The following ZNF665 variants were observed in gnomAD, a reference collection of about 807,000 sequenced individuals.
The protein encoded by ZNF665 is zinc finger protein 665.
In ZNF665, 6 loss-of-function variants were observed where a neutral mutation model predicts 7.9. The observed-to-expected ratio is 0.76, with a 90% CI of 0.42 to 1.50. The LOEUF (loss-of-function observed/expected upper bound fraction) is 1.50, where lower values mean the gene tolerates loss of function less well. Ranked by LOEUF, ZNF665 falls within the 40% of genes most tolerant of loss-of-function variation. The pLI, the probability that ZNF665 is intolerant of heterozygous loss-of-function variation, is 0.01. For missense variants in ZNF665, 819 were observed against 806.7 expected, an observed-to-expected ratio of 1.02 and a Z score of -0.18; for synonymous variants, 242 against 274.5, an observed-to-expected ratio of 0.88 and a Z score of 1.17.
intron 2 of ZNF665, chr19:53,182,225 G>A: frequency 6.4e-6 from 1 of 155,122 alleles, no homozygotes; most frequent in African/African-American, 2.4e-5. Context: ...AAAAAAAATA[G>A]CCGGGCATGG....
chr19:53,165,938 G>A lies in ZNF665; in HGVS notation c.552C>T (p.Gly184=), dbSNP rs139472029. ...GCCGTGAGTTTTGACTGAAGACCTT[G>A]CCACATTCATCACATTTATAATGTT... is the stretch of plus-strand genomic sequence containing the variant. ...RGKHYKCDEC[G]KVFSQNSRLT... is the part of the protein sequence containing the mutation. The change falls in exon 4 of 4, where the codon GGC becomes GGT. Residue 184 remains glycine (G), a synonymous_variant. Transcript: ENST00000396424. 1,269 of 1,614,048 alleles carry A rather than the reference G, an allele frequency of 7.9e-4. 6 individuals carry two copies. In the African/African-American group the frequency reaches 0.012, roughly 15 times the overall value.
rs769803619 is a variant in ZNF665, at chr19:53,165,564, C to G, written c.926G>C (p.Arg309Pro). 13 of 1,612,694 alleles carry G rather than the reference C, an allele frequency of 8.1e-6. No individual in the cohort carries two copies. The highest frequency in any genetic ancestry group is 7.6e-6 in the Non-Finnish European group (9 of 1,179,706). Residue 309 changes from arginine to proline, a missense_variant, in exon 4 of 4, where the codon CGA becomes CCA. Transcript: ENST00000396424. ...AGGCTTCTCCCCAGTATGAATTCTT[C>G]GATGACTTGCAAGGTGTGAATTTTG... is the stretch of plus-strand genomic sequence containing the variant. The part of the protein sequence containing the change: ...FTQNSHLASH[R>P]RIHTGEKPYK...
At chr19:53,171,504 G>GTGTGTATATATATATATATATATATA (rs140482885) in intron 3 of ZNF665, among the ~76,000 whole-genome samples, 2 of 57,776 alleles carry the variant, frequency 3.5e-5, no homozygotes, top group African/African-American at 5.4e-5. Flanking sequence ...GTGTGTGTGT[G>GTGTGTATATATATATATATATATATA]TATATATATA....
intron 1 of ZNF665, among the ~76,000 whole-genome samples, chr19:53,183,799 G>A (rs1474448481): frequency 6.6e-6 from 1 of 152,186 alleles, no homozygotes; most frequent in East Asian, 1.9e-4. Context: ...AAGGCCCTGA[G>A]GCAGGAGCAA....
intron 3 of ZNF665, among the ~76,000 whole-genome samples, chr19:53,171,506 A>G (rs11667598): frequency 0.05 from 1,627 of 32,652 alleles, 25 homozygotes; most frequent in Admixed American, 0.13. Flanking sequence ...GTGTGTGTGT[A>G]TATATATATA....
intron 3 of ZNF665, among the ~76,000 whole-genome samples, chr19:53,171,524 A>ATATATTTTTT (rs372855271): frequency 1.0e-3 from 69 of 69,322 alleles, no homozygotes; most frequent in Middle Eastern, 0.01. Flanking sequence ...ATATATATAT[A>ATATATTTTTT]TTTTTTTTTT....
chr19:53,190,271 T>G (rs4614848), intron 1 of ZNF665: 1 of 152,160 alleles, frequency 6.6e-6, no homozygotes, highest in African/African-American at 2.4e-5. Context: ...GAGTTGAGAT[T>G]GCAGGCCTTA....
At chr19:53,170,857 C>G (rs1262768423) in intron 3 of ZNF665, among the ~76,000 whole-genome samples, 1 of 152,124 alleles carries the variant, frequency 6.6e-6, no homozygotes, top group African/African-American at 2.4e-5. Flanking sequence ...ACTTTTGACT[C>G]CCCAAAAACT....
rs533484868 is a variant in ZNF665 at position 53,178,816 on chromosome 19, T to A, written c.16-3245A>T. Among the ~76,000 whole-genome samples the A allele has an allele frequency of 2.0e-5, 3 of 152,298 alleles. No homozygotes were observed. The South Asian group carries it at 6.2e-4, about 32-fold the overall frequency. On this transcript the variant is annotated intron_variant, in intron 2 of 3. Transcript: ENST00000396424. ...CAGTAAAAAGTAGTGTCTGTCTCTT[T>A]GCATAAAGTAGTATAATATAGTTTG...
chr19:53,171,504 G>GTGTGTGTATATATATATA (rs140482885), intron 3 of ZNF665, among the ~76,000 whole-genome samples: 20 of 57,776 alleles, frequency 3.5e-4, no homozygotes, highest in East Asian at 1.7e-3. Context: ...GTGTGTGTGT[G>GTGTGTGTATATATATATA]TATATATATA....
intron 2 of ZNF665, chr19:53,181,285 G>A (rs2090735882): frequency 6.6e-6 from 1 of 152,128 alleles, no homozygotes; most frequent in South Asian, 2.1e-4. Flanking sequence ...GCTGGGTGTG[G>A]TGGCATGCAC....
intron 2 of ZNF665, among the ~76,000 whole-genome samples, chr19:53,176,577 C>A (rs1377364499): frequency 6.6e-6 from 1 of 152,210 alleles, no homozygotes; most frequent in Non-Finnish European, 1.5e-5. Context: ...GAATTTACAA[C>A]TTAAGCCAGT....
chr19:53,166,332 C>A lies in ZNF665; in HGVS notation c.158G>T (p.Cys53Phe). 1.3e-6 allele frequency: 2 copies of A among 1,578,516 alleles called. No homozygotes were observed. The highest frequency in any genetic ancestry group is 1.9e-5 in the Admixed American group (1 of 52,682). ...CTTTGGTGGCAAATCCGTGTTTACACATTTACAAGAGATATCTGTAAGATA... is the reference window on the plus strand; with the variant it reads ...CTTTGGTGGCAAATCCGTGTTTACAAATTTACAAGAGATATCTGTAAGATA... Reference protein sequence around the residue: ...NLVSLDISCKCVNTDLPPKGK... With the variant: ...NLVSLDISCKFVNTDLPPKGK... The change falls in exon 4 of 4, where the codon TGT (cysteine) becomes TTT (phenylalanine). Residue 53 changes from cysteine to phenylalanine, a missense_variant. By Grantham distance (205) the Cys-to-Phe change is radical. Coordinates refer to ENST00000396424, the MANE Select transcript of ZNF665 (RefSeq NM_024733.5).
chr19:53,177,796 T>A (rs952731972), intron 2 of ZNF665, among the ~76,000 whole-genome samples: 1 of 152,192 alleles, frequency 6.6e-6, no homozygotes, highest in African/African-American at 2.4e-5. Flanking sequence ...AAGGTAGTAT[T>A]TTAAATCCTT....
intron 1 of ZNF665, among the ~76,000 whole-genome samples, chr19:53,185,887 G>A (rs1022008917): frequency 5.9e-5 from 9 of 151,976 alleles, no homozygotes; most frequent in African/African-American, 2.2e-4. Flanking sequence ...ATAGAAGAGG[G>A]GAACTTACTA....
At chr19:53,171,524 A>ATATATATATATATATATTT (rs372855271) in intron 3 of ZNF665, among the ~76,000 whole-genome samples, 10 of 69,322 alleles carry the variant, frequency 1.4e-4, no homozygotes, top group Non-Finnish European at 2.4e-4. Flanking sequence ...ATATATATAT[A>ATATATATATATATATATTT]TTTTTTTTTT....
chr19:53,166,422 A>G (rs2090616518), intron 3 of ZNF665, 75 bp from the exon 4 acceptor site: 1 of 1,279,946 alleles, frequency 7.8e-7, no homozygotes, highest in Non-Finnish European at 1.1e-6. Context: ...GAAAAACCTA[A>G]TGTTACACCA....
Position 53,165,644 on chromosome 19 carries a change from G to C in ZNF665, c.846C>G (p.Val282=), listed in dbSNP as rs755272909. The change falls in exon 4 of 4, where the codon GTC becomes GTG. Residue 282 remains valine (V), a synonymous_variant. Transcript: ENST00000396424. ...TGTAAGGTTTTTCTCCAGTATGGATGACCTGATGTGTAGTTAGTTTTGAAT... is the reference window on the plus strand; with the variant it reads ...TGTAAGGTTTTTCTCCAGTATGGATCACCTGATGTGTAGTTAGTTTTGAAT... ...RAHSKLTTHQ[V]IHTGEKPYKC... 3.1e-6 allele frequency: 5 copies of C among 1,613,534 alleles called. No homozygotes were observed. The African/African-American group carries it at 6.7e-5, about 22-fold the overall frequency.
rs761829966 is a variant in ZNF665, at chr19:53,165,920, G to A, written c.570C>T (p.Asn190=). 2 of 1,613,846 alleles carry A rather than the reference G, an allele frequency of 1.2e-6. No homozygotes were observed. The highest frequency in any genetic ancestry group is 2.2e-5 in the East Asian group (1 of 44,858). ...TTCTCTTATGACTTGTTAGCCGTGA[G>A]TTTTGACTGAAGACCTTGCCACATT... ...CDECGKVFSQ[N]SRLTSHKRIH... The change falls in exon 4 of 4, where the codon AAC becomes AAT. Residue 190 remains asparagine (N), a synonymous_variant. Transcript: ENST00000396424.
Sources: allele counts gnomAD v4.1 joint callset (sites outside exome capture counted in the v4.1 genomes callset), GRCh38; gene constraint gnomAD v4.1.1; transcripts MANE v1.5; gene names NCBI Gene and HGNC (gene_info 2026-07-23, HGNC 2026-07-21).